LRRC4C: variants seen among roughly 807,000 people sequenced by gnomAD.
LRRC4C encodes leucine-rich repeat-containing protein 4C.
LRRC4C carries 5 observed loss-of-function variants against 33.6 expected under a neutral mutation model. That is an observed-to-expected ratio of 0.15 (90% CI 0.08 to 0.31). The LOEUF (loss-of-function observed/expected upper bound fraction) is 0.31. LRRC4C is among the 10% of genes least tolerant of loss of function. LRRC4C has a pLI of 1.00. For synonymous variants in LRRC4C, 329 were observed against 302.0 expected (o/e 1.09, Z -0.93); for missense variants, 560 against 796.7 (o/e 0.70, Z 3.58).
At chr11:41,062,933 G>A (rs1019677110) in intron 1 of LRRC4C, among the ~76,000 whole-genome samples, 6 of 148,468 alleles carry the variant, frequency 4.0e-5, no homozygotes, top group Admixed American at 4.0e-4. Flanking sequence ...CCAGAAATGA[G>A]AGAGAGAGAG....
intron 3 of LRRC4C, among the ~76,000 whole-genome samples, chr11:40,478,070 G>A (rs1199027166): frequency 2.6e-5 from 4 of 152,138 alleles, no homozygotes; most frequent in African/African-American, 9.7e-5. Flanking sequence ...CACCATGATT[G>A]TGAGGCCTTT....
intron 1 of LRRC4C, among the ~76,000 whole-genome samples, chr11:41,331,730 G>T (rs1951300485): frequency 6.6e-6 from 1 of 152,138 alleles, no homozygotes; most frequent in South Asian, 2.1e-4. Flanking sequence ...AAAGGCACTT[G>T]ACAGTGAAGT....
chr11:40,520,052 T>C (rs1164569915), intron 3 of LRRC4C, among the ~76,000 whole-genome samples: 3 of 152,220 alleles, frequency 2.0e-5, no homozygotes, highest in Non-Finnish European at 4.4e-5. Flanking sequence ...ACTGATGCAC[T>C]GGCAACTAAG....
chr11:40,213,356 C>T (rs771486816), intron 5 of LRRC4C, among the ~76,000 whole-genome samples: 11 of 152,038 alleles, frequency 7.2e-5, no homozygotes, highest in Admixed American at 1.3e-4. Flanking sequence ...TGCCAGCACC[C>T]GTAGGGATAT....
At chr11:41,166,958 C>A (rs540003572) in intron 1 of LRRC4C, among the ~76,000 whole-genome samples, 2 of 152,218 alleles carry the variant, frequency 1.3e-5, no homozygotes, top group South Asian at 2.1e-4. Context: ...AGGCTAAATG[C>A]CATGCCTAAA....
At chr11:40,767,295 C>T (rs192484240) in intron 2 of LRRC4C, among the ~76,000 whole-genome samples, 74 of 152,044 alleles carry the variant, frequency 4.9e-4, no homozygotes, top group South Asian at 1.2e-3. Flanking sequence ...AATGTATATG[C>T]CTCCAACAAT....
intron 1 of LRRC4C, among the ~76,000 whole-genome samples, chr11:41,274,538 C>A (rs1949419351): frequency 6.6e-6 from 1 of 152,034 alleles, no homozygotes; most frequent in Non-Finnish European, 1.5e-5. Context: ...AGAGGTGAAG[C>A]CAACTGGACT....
At chr11:41,336,398 G>A (rs1293109977) in intron 1 of LRRC4C, among the ~76,000 whole-genome samples, 2 of 150,436 alleles carry the variant, frequency 1.3e-5, no homozygotes, top group African/African-American at 4.9e-5. Flanking sequence ...TTCAATCTCA[G>A]TCTCCTCAAG....
intron 3 of LRRC4C, chr11:40,446,966 T>A (rs1397805824): frequency 6.5e-6 from 1 of 152,774 alleles, no homozygotes; most frequent in Non-Finnish European, 1.5e-5. Context: ...ATATCAGGCA[T>A]TGTTTCTACC....
At chr11:41,238,003 A>G (rs935339196) in intron 1 of LRRC4C, among the ~76,000 whole-genome samples, 1 of 152,154 alleles carries the variant, frequency 6.6e-6, no homozygotes, top group Non-Finnish European at 1.5e-5. Flanking sequence ...CCAAGTATAT[A>G]AATACCCCCA....
chr11:40,314,998 A>C (rs1945505365), intron 4 of LRRC4C, among the ~76,000 whole-genome samples: 1 of 152,052 alleles, frequency 6.6e-6, no homozygotes. Flanking sequence ...ACTATCGGAC[A>C]ACTGTAGTTA....
chr11:40,641,569 T>C (rs916018015), intron 3 of LRRC4C, among the ~76,000 whole-genome samples: 8 of 146,098 alleles, frequency 5.5e-5, no homozygotes, highest in Non-Finnish European at 1.1e-4. Flanking sequence ...ATATACAAAG[T>C]CAAAGTTGAT....
At chr11:41,450,984 TG>T (rs2138641432) in intron 1 of LRRC4C, among the ~76,000 whole-genome samples, 1 of 152,254 alleles carries the variant, frequency 6.6e-6, no homozygotes, top group African/African-American at 2.4e-5. Flanking sequence ...TATTATTTTT[TG>T]GTTCTGAATC....
rs1950272454 is a variant in LRRC4C at position 40,782,947 on chromosome 11, A to C, written c.-406-134669T>G. Among the ~76,000 whole-genome samples the C allele has an allele frequency of 2.0e-5, 3 of 152,116 alleles. No homozygotes were observed. In the South Asian group the frequency reaches 6.2e-4, roughly 31 times the overall value. ...GTGTATATGTGTGTGTATTTTATAT[A>C]TATTTATAAATTCAGTTAGTTTTGA... On this transcript the variant is annotated intron_variant, in intron 2 of 6. Transcript: ENST00000528697.
intron 2 of LRRC4C, among the ~76,000 whole-genome samples, chr11:40,791,426 G>T (rs1018603046): frequency 2.6e-5 from 4 of 152,108 alleles, no homozygotes; most frequent in African/African-American, 9.7e-5. Flanking sequence ...TAATGAACAA[G>T]GAATAGGGAG....
intron 1 of LRRC4C, among the ~76,000 whole-genome samples, chr11:41,009,135 C>T (rs576454099): frequency 6.6e-6 from 1 of 151,986 alleles, no homozygotes; most frequent in South Asian, 2.1e-4. Context: ...ATTTGGAAAG[C>T]TAAATAGCTT....
At chr11:41,324,580 T>A (rs1951053100) in intron 1 of LRRC4C, among the ~76,000 whole-genome samples, 1 of 152,194 alleles carries the variant, frequency 6.6e-6, no homozygotes, top group Non-Finnish European at 1.5e-5. Context: ...GTAAAGCACT[T>A]ACAATGGCAC....
intron 3 of LRRC4C, among the ~76,000 whole-genome samples, chr11:40,364,578 T>C (rs1478863839): frequency 6.6e-6 from 1 of 152,094 alleles, no homozygotes; most frequent in African/African-American, 2.4e-5. Context: ...AAATTAGCAA[T>C]GAGATGGCTT....
At chr11:40,133,328 ATG>A (rs757701014) in intron 6 of LRRC4C, among the ~76,000 whole-genome samples, 5 of 152,202 alleles carry the variant, frequency 3.3e-5, no homozygotes, top group Admixed American at 1.3e-4. Flanking sequence ...AACAAATATC[ATG>A]TATATAGAGT....
Sources: gnomAD v4.1 joint callset for allele counts (sites outside exome capture counted in the v4.1 genomes callset) on GRCh38, gnomAD v4.1.1 for gene constraint, MANE v1.5 for transcripts, NCBI Gene and HGNC (gene_info 2026-07-23, HGNC 2026-07-21) for gene names.